ERC2: variants seen among roughly 807,000 people sequenced by gnomAD.
ERC2 encodes the protein ELKS/RAB6-interacting/CAST family member 2, also known as ERC protein 2.
In ERC2, 42 loss-of-function variants were observed where a neutral mutation model predicts 114.8. The observed-to-expected ratio is 0.37, with a 90% CI of 0.29 to 0.47. The LOEUF is 0.47. ERC2 is among the 20% of genes least tolerant of loss of function. ERC2 has a pLI of 0.99. For synonymous variants in ERC2, 454 were observed against 425.5 expected (o/e 1.07, Z -0.82); for missense variants, 939 against 1,150.7 (o/e 0.82, Z 2.66).
At chr3:55,992,388 G>T in intron 10 of ERC2, 138 bp from the exon 11 acceptor site, 1 of 623,166 alleles carries the variant, frequency 1.6e-6, no homozygotes, top group Non-Finnish European at 2.6e-6. Flanking sequence ...CAGTGAAAAG[G>T]CAAAATAGAA....
At chr3:56,340,542 ATGTGTGTGTGTGTGTGTGTG>A (rs10690369) in intron 2 of ERC2, among the ~76,000 whole-genome samples, 1 of 141,414 alleles carries the variant, frequency 7.1e-6, no homozygotes, top group Non-Finnish European at 1.5e-5. Context: ...GAGAGAGTGA[ATGTGTGTGTGTGTGTGTGTG>A]TGTGTGTGTG....
chr3:56,277,364 C>A (rs957857052), intron 3 of ERC2, among the ~76,000 whole-genome samples: 7 of 152,128 alleles, frequency 4.6e-5, no homozygotes, highest in Non-Finnish European at 7.4e-5. Context: ...CTTCCCAAAC[C>A]CACATCTCTA....
intron 2 of ERC2, among the ~76,000 whole-genome samples, chr3:56,347,392 G>A (rs1408733251): frequency 6.6e-6 from 1 of 152,004 alleles, no homozygotes; most frequent in Admixed American, 6.6e-5. Context: ...TGCCTATAGG[G>A]GGCGCTGGAG....
intron 14 of ERC2, among the ~76,000 whole-genome samples, chr3:55,851,345 C>T (rs1033970274): frequency 6.6e-6 from 1 of 152,096 alleles, no homozygotes; most frequent in Non-Finnish European, 1.5e-5. Flanking sequence ...TTAAACTACA[C>T]TTCAGATAAT....
chr3:55,807,662 G>C (rs1402086420), intron 14 of ERC2, among the ~76,000 whole-genome samples: 2 of 152,198 alleles, frequency 1.3e-5, no homozygotes, highest in Non-Finnish European at 2.9e-5. Context: ...ATCTGCTCGA[G>C]ATGGAGGAGC....
chr3:56,407,611 G>A (rs1454674816), intron 2 of ERC2, among the ~76,000 whole-genome samples: 3 of 152,078 alleles, frequency 2.0e-5, no homozygotes, highest in Non-Finnish European at 4.4e-5. Flanking sequence ...TGAAAATGCA[G>A]GTCTGATTCA....
chr3:55,570,208 TG>T (rs1481106585), intron 17 of ERC2, among the ~76,000 whole-genome samples: 1 of 151,986 alleles, frequency 6.6e-6, no homozygotes, highest in Non-Finnish European at 1.5e-5. Context: ...CAGGAGCCAA[TG>T]GGGCTTTAAA....
intron 17 of ERC2, among the ~76,000 whole-genome samples, chr3:55,589,899 C>T (rs1223225938): frequency 1.3e-5 from 2 of 152,086 alleles, no homozygotes; most frequent in Non-Finnish European, 2.9e-5. Flanking sequence ...AAAGAGAAGG[C>T]CCTGTGCAGC....
At chr3:55,584,167 A>C (rs1341574318) in intron 17 of ERC2, among the ~76,000 whole-genome samples, 1 of 152,162 alleles carries the variant, frequency 6.6e-6, no homozygotes, top group Non-Finnish European at 1.5e-5. Flanking sequence ...CCCCACAGGG[A>C]AGCCTATTGG....
Position 56,025,430 on chromosome 3 carries a change from G to A in ERC2, c.1642-6399C>T, listed in dbSNP as rs2073980227. ...TGGCTAAGTTCCCATCTTGAATCTGGGGTCCTCTTTCAAGCTCATTCAGGT... is the reference window on the plus strand; with the variant it reads ...TGGCTAAGTTCCCATCTTGAATCTGAGGTCCTCTTTCAAGCTCATTCAGGT... On this transcript the variant is annotated intron_variant, in intron 7 of 17. Transcript: ENST00000288221. Among the ~76,000 whole-genome samples, 3 of 152,256 alleles carry A rather than the reference G, an allele frequency of 2.0e-5. No individual in the cohort carries two copies. In the South Asian group the frequency reaches 6.2e-4, roughly 32 times the overall value.
intron 3 of ERC2, among the ~76,000 whole-genome samples, chr3:56,191,263 G>A (rs1268349496): frequency 6.6e-6 from 1 of 152,116 alleles, no homozygotes; most frequent in Non-Finnish European, 1.5e-5. Flanking sequence ...GGGAAAACAT[G>A]CCAGGCCTCA....
chr3:55,606,114 A>T (rs1313512758), intron 17 of ERC2, among the ~76,000 whole-genome samples: 1 of 152,296 alleles, frequency 6.6e-6, no homozygotes, highest in South Asian at 2.1e-4. Flanking sequence ...ACCAATGTCC[A>T]TCTACTCAGA....
chr3:55,811,903 TGTTACATAGGTAAAC>T (rs1227396057), intron 14 of ERC2, among the ~76,000 whole-genome samples: 7 of 152,342 alleles, frequency 4.6e-5, no homozygotes, highest in African/African-American at 1.7e-4. Context: ...TGTGAAGCTT[TGTTACATAGGTAAAC>T]GTTACATAGG....
chr3:56,130,373 G>A (rs747882715), intron 6 of ERC2, among the ~76,000 whole-genome samples: 7 of 152,096 alleles, frequency 4.6e-5, no homozygotes, highest in African/African-American at 1.7e-4. Flanking sequence ...TTCAGTTACC[G>A]GGCAGACAAT....
At chr3:55,714,690 T>TATATAC (rs2064000532) in intron 15 of ERC2, among the ~76,000 whole-genome samples, 2 of 129,988 alleles carry the variant, frequency 1.5e-5, no homozygotes, top group Non-Finnish European at 3.2e-5. Flanking sequence ...TATATATATA[T>TATATAC]ATATATATAT....
intron 12 of ERC2, among the ~76,000 whole-genome samples, chr3:55,969,304 A>G (rs1356950557): frequency 6.6e-6 from 1 of 152,086 alleles, no homozygotes; most frequent in African/African-American, 2.4e-5. Context: ...GGAAAGAGAG[A>G]TCATGTGCTA....
chr3:55,952,962 G>A (rs935278526), intron 12 of ERC2, among the ~76,000 whole-genome samples: 11 of 152,106 alleles, frequency 7.2e-5, no homozygotes, highest in African/African-American at 2.4e-4. Flanking sequence ...GGGAGGCCGA[G>A]GTGGGCAGAT....
intron 10 of ERC2, among the ~76,000 whole-genome samples, chr3:55,998,504 T>C (rs541382271): frequency 1.3e-5 from 2 of 152,280 alleles, no homozygotes; most frequent in African/African-American, 4.8e-5. Context: ...GGTATGTGTT[T>C]GTGTGTATGC....
intron 17 of ERC2, among the ~76,000 whole-genome samples, chr3:55,513,974 A>C (rs2052305052): frequency 6.6e-6 from 1 of 152,148 alleles, no homozygotes; most frequent in Non-Finnish European, 1.5e-5. Context: ...AGAATCCTTA[A>C]ATCTACTCCT....
Sources: allele counts gnomAD v4.1 joint callset (sites outside exome capture counted in the v4.1 genomes callset), GRCh38; gene constraint gnomAD v4.1.1; transcripts MANE v1.5; gene names NCBI Gene and HGNC (gene_info 2026-07-23, HGNC 2026-07-21).